CALD1: variants seen among roughly 807,000 people sequenced by gnomAD.
The protein encoded by CALD1 is caldesmon 1, also known as caldesmon.
CALD1 carries 33 observed loss-of-function variants against 99.9 expected under a neutral mutation model. The observed-to-expected ratio is 0.33, with a 90% CI of 0.25 to 0.44. CALD1 has a LOEUF of 0.44. Among genes scored for constraint, CALD1 ranks in the 20% least tolerant of loss-of-function variants. The pLI is 1.00. For missense variants in CALD1, 861 were observed against 962.1 expected (o/e 0.89, Z 1.39); for synonymous variants, 310 against 325.0 (o/e 0.95, Z 0.50).
intron 1 of CALD1, among the ~76,000 whole-genome samples, chr7:134,842,357 AAAT>A (rs1227144254): frequency 6.6e-6 from 1 of 152,262 alleles, no homozygotes; most frequent in Non-Finnish European, 1.5e-5. Context: ...TCATCAAATG[AAAT>A]AATGTGTGCA....
At chr7:134,724,631 G>A in the CALD1 span, among the ~76,000 whole-genome samples, 1 of 152,336 alleles carries the variant, frequency 6.6e-6, no homozygotes, top group South Asian at 2.1e-4. Context: ...GCTGGCTAAA[G>A]AACTCTTGGT....
At chr7:134,862,594 G>C (rs1252404887) in intron 2 of CALD1, among the ~76,000 whole-genome samples, 1 of 152,170 alleles carries the variant, frequency 6.6e-6, no homozygotes, top group Non-Finnish European at 1.5e-5. Flanking sequence ...AATGAGTGGA[G>C]CAGGTGGGGT....
At position 134,853,593 on chromosome 7, in the gene CALD1, TCCA is replaced by T. The variant is rs916007457; in HGVS notation, c.-42+9626_-42+9628del. Among the ~76,000 whole-genome samples, 3 of 152,320 alleles carry T rather than the reference TCCA, an allele frequency of 2.0e-5. No individual in the cohort carries two copies. The South Asian group carries it at 6.2e-4, about 32-fold the overall frequency. On this transcript the variant is annotated intron_variant, in intron 2 of 14. Coordinates refer to ENST00000361675, the MANE Select transcript of CALD1 (RefSeq NM_033138.4). The stretch of plus-strand genomic sequence containing the variant: ...GTATTTTATTTGTTGATTGCCCATC[TCCA>T]CCATCAGACTACAAGCAACTTGAAG...
rs1796869596 is a variant in CALD1 at position 134,770,651 on chromosome 7, T to C, written c.-130+26288T>C. ...TCAGGCCCACCTGGACAATCCAGTA[T>C]GACTTCATATTGAGATCCTTAACTA... is the stretch of plus-strand genomic sequence containing the variant. On this transcript the variant is annotated intron_variant, in intron 1 of 13. Transcript: ENST00000417172. 3.9e-5 allele frequency among the ~76,000 whole-genome samples: 6 copies of C among 152,342 alleles called. No individual in the cohort carries two copies. In the South Asian group the frequency reaches 1.2e-3, roughly 32 times the overall value.
At position 134,965,156 on chromosome 7, in the gene CALD1, G is replaced by A. The variant is rs764139418; in HGVS notation, c.2296-150G>A. On this transcript the variant is annotated intron_variant, in intron 13 of 14. Transcript: ENST00000361675. ...ATAAAAAAATCAAACAACAGCTGAT[G>A]GTCCTTTCAATTCCATTTCAGATCA... is the stretch of plus-strand genomic sequence containing the variant. 9 of 617,458 alleles carry A rather than the reference G, an allele frequency of 1.5e-5. No individual in the cohort carries two copies. In the Middle Eastern group the frequency reaches 2.3e-3, roughly 160 times the overall value. The allele number at this position is 617,458 out of a possible 1,614,324, so 38.2% of individuals were successfully genotyped here.
upstream of CALD1, among the ~76,000 whole-genome samples, chr7:134,740,324 G>T (rs1796582306): frequency 6.6e-6 from 1 of 152,110 alleles, no homozygotes; most frequent in South Asian, 2.1e-4. Context: ...TAAGAGAGTT[G>T]ACAGAATCAA....
chr7:134,901,316 G>A (rs1161554819), intron 3 of CALD1, among the ~76,000 whole-genome samples: 4 of 151,994 alleles, frequency 2.6e-5, no homozygotes, highest in Non-Finnish European at 4.4e-5. Context: ...GTGCCCTTGA[G>A]CGAATTACTG....
chr7:134,958,078 C>T lies in CALD1; in HGVS notation c.1945C>T (p.Arg649Ter), dbSNP rs1807910864. ...PKGSSLKIEE[R>*]AEFLNKSVQK... ...CTTTTGTAATTCCTAGATAGAAGAG[C>T]GAGCAGAATTTTTGAATAAGTCTGT... The change falls in exon 10 of 15, where the codon CGA (arginine) becomes TGA (stop). Residue 649 changes from arginine (R) to a stop codon, truncating the protein, a stop_gained. Transcript: ENST00000361675. LOFTEE classifies it high-confidence loss of function. 1 of 1,605,002 alleles carries T rather than the reference C, an allele frequency of 6.2e-7. No homozygotes were observed. Among genetic ancestry groups the T allele is most frequent in the Non-Finnish European group, 8.5e-7 (1 of 1,173,516 alleles).
intron 3 of CALD1, among the ~76,000 whole-genome samples, chr7:134,893,403 A>G (rs560372727): frequency 6.6e-6 from 1 of 152,316 alleles, no homozygotes; most frequent in Non-Finnish European, 1.5e-5. Flanking sequence ...TGTTAAAAAC[A>G]TTGTGGGGAA....
At chr7:134,911,511 C>T (rs1051509527) in intron 3 of CALD1, among the ~76,000 whole-genome samples, 1 of 150,704 alleles carries the variant, frequency 6.6e-6, no homozygotes, top group Non-Finnish European at 1.5e-5. Flanking sequence ...ATAAGCCTAG[C>T]ATAGAATTGT....
At chr7:134,967,865 C>T (rs1311238786) in intron 14 of CALD1, among the ~76,000 whole-genome samples, 2 of 152,134 alleles carry the variant, frequency 1.3e-5, no homozygotes, top group African/African-American at 2.4e-5. Flanking sequence ...AAGATCCAGC[C>T]AGGCGCAGTG....
At chr7:134,737,948 C>G in the CALD1 span, among the ~76,000 whole-genome samples, 1 of 152,174 alleles carries the variant, frequency 6.6e-6, no homozygotes, top group South Asian at 2.1e-4. Flanking sequence ...TAGAGTAGGT[C>G]CAGAGTTTCA....
At chr7:134,828,019 T>C (rs1194214671) in intron 1 of CALD1, among the ~76,000 whole-genome samples, 3 of 152,180 alleles carry the variant, frequency 2.0e-5, no homozygotes, top group Non-Finnish European at 4.4e-5. Context: ...AAATACAACT[T>C]TGGTTTCGTT....
rs183747306 is a variant in CALD1, at chr7:134,762,547, T to C, written c.-130+18184T>C. 1.2e-4 allele frequency among the ~76,000 whole-genome samples: 19 copies of C among 152,326 alleles called. No homozygotes were observed. In the East Asian group the frequency reaches 3.1e-3, roughly 25 times the overall value. The stretch of plus-strand genomic sequence containing the variant: ...AGGTTTAATTGGCTCACGGTTTCAC[T>C]GGCTGTACAGGAAGCATGATGCTGA... On this transcript the variant is annotated intron_variant, in intron 1 of 13. Transcript: ENST00000417172.
At chr7:134,747,328 T>G (rs1380659846) in intron 1 of CALD1, among the ~76,000 whole-genome samples, 1 of 152,194 alleles carries the variant, frequency 6.6e-6, no homozygotes, top group African/African-American at 2.4e-5. Context: ...AAGGTCAAGA[T>G]GCACATGGAG....
chr7:134,947,422 C>A, intron 7 of CALD1, 86 bp from the exon 8 acceptor site: 1 of 1,359,328 alleles, frequency 7.4e-7, no homozygotes. Context: ...GTCGGGGATG[C>A]AGAAGCCGCA....
intron 5 of CALD1, 96 bp from the exon 6 acceptor site, chr7:134,935,592 C>A (rs2132995940): frequency 6.6e-7 from 1 of 1,506,788 alleles, no homozygotes. Flanking sequence ...CCATCCCACG[C>A]AGCACTTGCA....
At chr7:134,739,937 C>T (rs1331728504), upstream of CALD1, among the ~76,000 whole-genome samples, 2 of 140,438 alleles carry the variant, frequency 1.4e-5, no homozygotes, top group African/African-American at 5.3e-5. Flanking sequence ...CCACTACATT[C>T]TTCACTGATA....
chr7:134,894,263 C>G (rs572866263), intron 3 of CALD1, among the ~76,000 whole-genome samples: 1 of 152,108 alleles, frequency 6.6e-6, no homozygotes, highest in Non-Finnish European at 1.5e-5. Context: ...TAAATGCGTT[C>G]GGGGTACCAA....
Sources: allele counts gnomAD v4.1 joint callset (sites outside exome capture counted in the v4.1 genomes callset), GRCh38; gene constraint gnomAD v4.1.1; transcripts MANE v1.5; gene names NCBI Gene and HGNC (gene_info 2026-07-23, HGNC 2026-07-21).